Variants in SH3RF3 observed in about 807,000 individuals in gnomAD.
SH3RF3 encodes the protein E3 ubiquitin-protein ligase SH3RF3.
Under a neutral mutation model 66.3 loss-of-function variants are expected in SH3RF3, and 29 were observed. That is an observed-to-expected ratio of 0.44 (90% CI 0.33 to 0.60). The LOEUF is 0.60. SH3RF3 is among the 20% of genes least tolerant of loss of function. The probability of loss-of-function intolerance (pLI) is 0.04; values close to 1 mark genes in which losing one functional copy is unlikely to be tolerated. For missense variants in SH3RF3, 1,194 were observed against 1,190.9 expected (o/e 1.00, Z -0.04); for synonymous variants, 583 against 532.0 (o/e 1.10, Z -1.32).
Position 109,320,845 on chromosome 2 carries a change from C to T in SH3RF3, c.574-26829C>T, listed in dbSNP as rs989251575. ...TGGTCAGATGGAATGGCCATGGATT[C>T]GGGCACCAGACCAAGATTCAAATCC... On this transcript the variant is annotated intron_variant, in intron 1 of 9. Coordinates refer to ENST00000309415, the MANE Select transcript of SH3RF3 (RefSeq NM_001099289.3). Among the ~76,000 whole-genome samples, 7 of 152,294 alleles carry T rather than the reference C, an allele frequency of 4.6e-5. No homozygotes were observed. The East Asian group carries it at 5.8e-4, about 13-fold the overall frequency.
chr2:109,143,283 C>T (rs531336416), intron 1 of SH3RF3, among the ~76,000 whole-genome samples: 8 of 152,204 alleles, frequency 5.3e-5, no homozygotes, highest in East Asian at 3.9e-4. Context: ...AAGTAAGTAT[C>T]GTGAAACTGA....
chr2:109,209,011 A>G (rs1678906564), intron 1 of SH3RF3, among the ~76,000 whole-genome samples: 1 of 152,202 alleles, frequency 6.6e-6, no homozygotes. Flanking sequence ...ACACGGACAT[A>G]TGGACCCAGA....
rs561541307 is a variant in SH3RF3 at position 109,427,249 on chromosome 2, G to A, written c.1404-5252G>A. ...CTACCAAAGTGCTGGGATTACAGGC[G>A]TGAGTCACCGTGCCTGGACAAAGAA... On this transcript the variant is annotated intron_variant, in intron 5 of 9. Transcript: ENST00000309415. 6.7e-4 allele frequency among the ~76,000 whole-genome samples: 102 copies of A among 152,274 alleles called. 1 individual carries two copies. Among genetic ancestry groups the A allele is most frequent in the African/African-American group, 2.1e-3 (88 of 41,532 alleles).
intron 4 of SH3RF3, among the ~76,000 whole-genome samples, chr2:109,408,010 C>T (rs1052050839): frequency 6.6e-6 from 1 of 152,106 alleles, no homozygotes; most frequent in East Asian, 1.9e-4. Flanking sequence ...TCCAGGCCAT[C>T]CTTGGGCAGA....
At chr2:109,454,923 A>G (rs1677997350) in intron 8 of SH3RF3, among the ~76,000 whole-genome samples, 1 of 147,488 alleles carries the variant, frequency 6.8e-6, no homozygotes, top group Admixed American at 6.7e-5. Context: ...TATGGGCCAG[A>G]AAAAAAAAAA....
chr2:109,374,460 G>A (rs976413723), intron 3 of SH3RF3, among the ~76,000 whole-genome samples: 1 of 152,222 alleles, frequency 6.6e-6, no homozygotes, highest in African/African-American at 2.4e-5. Context: ...GGATCGGAAA[G>A]TCCTGGTTTG....
intron 1 of SH3RF3, among the ~76,000 whole-genome samples, chr2:109,183,772 A>G (rs1678123453): frequency 6.6e-6 from 1 of 152,210 alleles, no homozygotes; most frequent in South Asian, 2.1e-4. Context: ...GGAATTATTT[A>G]TACTCTTTAC....
intron 8 of SH3RF3, among the ~76,000 whole-genome samples, chr2:109,454,571 T>C (rs1273360838): frequency 1.3e-5 from 2 of 152,134 alleles, no homozygotes; most frequent in Non-Finnish European, 2.9e-5. Flanking sequence ...GGTGCTGAGG[T>C]TCCCCAAGGC....
chr2:109,225,910 C>T (rs982339153), intron 1 of SH3RF3, among the ~76,000 whole-genome samples: 5 of 152,166 alleles, frequency 3.3e-5, no homozygotes, highest in Admixed American at 2.6e-4. Context: ...GGACTATAGT[C>T]GCTTTCCACC....
chr2:109,364,170 T>G (rs775405066), intron 2 of SH3RF3, among the ~76,000 whole-genome samples: 2 of 152,078 alleles, frequency 1.3e-5, no homozygotes, highest in Non-Finnish European at 2.9e-5. Flanking sequence ...TTTTTTTTTT[T>G]TCTAATTTTT....
intron 7 of SH3RF3, among the ~76,000 whole-genome samples, chr2:109,448,386 G>A (rs983808428): frequency 5.9e-5 from 9 of 152,172 alleles, no homozygotes; most frequent in African/African-American, 1.9e-4. Context: ...TTAGGAACTG[G>A]GCTGCACAGC....
chr2:109,379,426 C>A (rs1213905188), intron 3 of SH3RF3, among the ~76,000 whole-genome samples: 1 of 152,060 alleles, frequency 6.6e-6, no homozygotes, highest in Non-Finnish European at 1.5e-5. Flanking sequence ...TCCAGGCGAG[C>A]CCCTCGCATG....
At position 109,318,574 on chromosome 2, in the gene SH3RF3, C is replaced by T. The variant is rs549340591; in HGVS notation, c.574-29100C>T. 2.6e-5 allele frequency among the ~76,000 whole-genome samples: 4 copies of T among 152,320 alleles called. No homozygotes were observed. In the East Asian group the frequency reaches 5.8e-4, roughly 22 times the overall value. ...CCTTGCGGGTGTGTTGGTTCAAAGT[C>T]ATGTGAGTAGAGCCAGCTCCTGAGG... On this transcript the variant is annotated intron_variant, in intron 1 of 9. Transcript: ENST00000309415.
In SH3RF3 at chr2:109,373,536, G is replaced by T. The variant is rs1487172554; in HGVS notation, c.945+1855G>T. Among the ~76,000 whole-genome samples, 3 of 152,184 alleles carry T rather than the reference G, an allele frequency of 2.0e-5. No homozygotes were observed. In the East Asian group the frequency reaches 5.8e-4, roughly 29 times the overall value. ...AGGCAAATCTCCAAGTGAAATTTTT[G>T]AAAGAAGCCAGACATAAAAGTAAAT... On this transcript the variant is annotated intron_variant, in intron 3 of 9. Coordinates refer to ENST00000309415, the MANE Select transcript of SH3RF3 (RefSeq NM_001099289.3).
chr2:109,475,684 G>A (rs2104743971), intron 8 of SH3RF3, among the ~76,000 whole-genome samples: 1 of 152,296 alleles, frequency 6.6e-6, no homozygotes, highest in Non-Finnish European at 1.5e-5. Context: ...TTTCTACTTT[G>A]TGGATGCCAG....
At chr2:109,353,490 C>T (rs757956076) in intron 2 of SH3RF3, among the ~76,000 whole-genome samples, 57 of 152,254 alleles carry the variant, frequency 3.7e-4, no homozygotes, top group Non-Finnish European at 6.2e-4. Flanking sequence ...GGGTTGAGAC[C>T]CCACCACCGC....
chr2:109,394,426 C>T (rs1424289158), intron 3 of SH3RF3, among the ~76,000 whole-genome samples: 4 of 152,148 alleles, frequency 2.6e-5, no homozygotes, highest in South Asian at 2.1e-4. Flanking sequence ...CCAAGAGCAT[C>T]GGACTAGGGG....
At chr2:109,409,708 T>G (rs1322641574) in intron 4 of SH3RF3, among the ~76,000 whole-genome samples, 2 of 151,974 alleles carry the variant, frequency 1.3e-5, no homozygotes, top group Non-Finnish European at 2.9e-5. Context: ...GAGAGGGAGA[T>G]CGAGAGGCAC....
intron 1 of SH3RF3, among the ~76,000 whole-genome samples, chr2:109,244,052 C>T (rs951282862): frequency 4.6e-5 from 7 of 152,092 alleles, no homozygotes; most frequent in African/African-American, 7.2e-5. Context: ...GTAATTGTAG[C>T]GAGGGTATTT....
Sources: allele counts gnomAD v4.1 joint callset (sites outside exome capture counted in the v4.1 genomes callset), GRCh38; gene constraint gnomAD v4.1.1; transcripts MANE v1.5; gene names NCBI Gene and HGNC (gene_info 2026-07-23, HGNC 2026-07-21).